The following HCN1 variants were observed in gnomAD, a reference collection of about 807,000 sequenced individuals.
The protein encoded by HCN1 is hyperpolarization activated cyclic nucleotide gated potassium channel 1, also known as potassium/sodium hyperpolarization-activated cyclic nucleotide-gated channel 1.
Under a neutral mutation model 78.9 loss-of-function variants are expected in HCN1, and 13 were observed. The ratio of observed to expected loss-of-function variants is 0.16; its 90% CI spans 0.11 to 0.26. The LOEUF is 0.26. Among genes scored for constraint, HCN1 ranks in the 10% least tolerant of loss-of-function variants. The pLI, the probability that HCN1 is intolerant of heterozygous loss-of-function variation, is 1.00. For synonymous variants in HCN1, 552 were observed against 455.5 expected, an observed-to-expected ratio of 1.21 and a Z score of -2.70; for missense variants, 810 against 1,154.3, an observed-to-expected ratio of 0.70 and a Z score of 4.32.
intron 6 of HCN1, among the ~76,000 whole-genome samples, chr5:45,288,038 A>G (rs966728018): frequency 7.2e-5 from 11 of 152,046 alleles, no homozygotes; most frequent in East Asian, 1.9e-4. Context: ...GTTTGGAGAT[A>G]TTCTTGGGGA....
chr5:45,341,721 C>T (rs1432579124), intron 5 of HCN1, among the ~76,000 whole-genome samples: 1 of 152,120 alleles, frequency 6.6e-6, no homozygotes, highest in Non-Finnish European at 1.5e-5. Context: ...TTCACCACTG[C>T]ACTCCAGCCT....
At chr5:45,684,767 A>G (rs1739771048) in intron 1 of HCN1, among the ~76,000 whole-genome samples, 1 of 152,170 alleles carries the variant, frequency 6.6e-6, no homozygotes, top group African/African-American at 2.4e-5. Flanking sequence ...GAAGCTGAGG[A>G]AAGAGAATTG....
chr5:45,486,116 T>C (rs1273481565), intron 2 of HCN1, among the ~76,000 whole-genome samples: 4 of 152,158 alleles, frequency 2.6e-5, no homozygotes, highest in African/African-American at 7.2e-5. Context: ...TTGGAGATCA[T>C]GTTCTAGGCT....
chr5:45,315,431 T>G (rs1188291465), intron 5 of HCN1, among the ~76,000 whole-genome samples: 1 of 152,090 alleles, frequency 6.6e-6, no homozygotes, highest in African/African-American at 2.4e-5. Context: ...AGAGGGAAAT[T>G]TATAGCACTA....
chr5:45,505,205 G>T (rs1742273672), intron 2 of HCN1, among the ~76,000 whole-genome samples: 2 of 151,992 alleles, frequency 1.3e-5, no homozygotes, highest in African/African-American at 4.8e-5. Context: ...GTATTGCCTA[G>T]GTTTTCTTCT....
intron 1 of HCN1, among the ~76,000 whole-genome samples, chr5:45,676,409 T>A (rs1746267167): frequency 1.3e-5 from 2 of 151,762 alleles, no homozygotes; most frequent in African/African-American, 4.8e-5. Context: ...AAGTAAAGTA[T>A]ATCCATAATT....
intron 1 of HCN1, among the ~76,000 whole-genome samples, chr5:45,667,978 C>A (rs925864216): frequency 1.3e-5 from 2 of 151,838 alleles, no homozygotes; most frequent in African/African-American, 4.8e-5. Flanking sequence ...GTGACTTGGC[C>A]AAGATCACTT....
rs1746997211 is a variant in HCN1 at position 45,355,829 on chromosome 5, G to C, written c.1231-2583C>G. On this transcript the variant is annotated intron_variant, in intron 4 of 7. Transcript: ENST00000303230. ...AACATGATTAGAAAATCCAAAGAAG[G>C]ATTAAATTTCACAGGGGGTGTGGTC... 2.0e-5 allele frequency among the ~76,000 whole-genome samples: 3 copies of C among 151,936 alleles called. No homozygotes were observed. In the South Asian group the frequency reaches 6.2e-4, roughly 31 times the overall value.
intron 2 of HCN1, among the ~76,000 whole-genome samples, chr5:45,530,920 A>G (rs2111802330): frequency 6.6e-6 from 1 of 152,296 alleles, no homozygotes; most frequent in South Asian, 2.1e-4. Context: ...ATAGCTGGGA[A>G]AAGAAGCAAG....
At chr5:45,331,013 T>C (rs1235522175) in intron 5 of HCN1, among the ~76,000 whole-genome samples, 1 of 151,208 alleles carries the variant, frequency 6.6e-6, no homozygotes, top group African/African-American at 2.4e-5. Flanking sequence ...ATAATTTAGA[T>C]GATAGAATTT....
At chr5:45,611,541 G>T (rs1744837495) in intron 2 of HCN1, among the ~76,000 whole-genome samples, 1 of 151,520 alleles carries the variant, frequency 6.6e-6, no homozygotes, top group African/African-American at 2.4e-5. Context: ...CAAAGTTCTG[G>T]GATTACATGC....
rs1417859701 is a variant in HCN1, at chr5:45,600,895, T to A, written c.849+44290A>T. On this transcript the variant is annotated intron_variant, in intron 2 of 7. Coordinates refer to ENST00000303230, the MANE Select transcript of HCN1 (RefSeq NM_021072.4). The stretch of plus-strand genomic sequence containing the variant: ...TTTTGCAGAAAGGCTAAACTTTAAA[T>A]AGCAAAAACTGTTGTCTGTGAAGAA... Among the ~76,000 whole-genome samples, 5 of 152,162 alleles carry A rather than the reference T, an allele frequency of 3.3e-5. No individual in the cohort carries two copies. In the South Asian group the frequency reaches 6.2e-4, roughly 19 times the overall value.
intron 1 of HCN1, among the ~76,000 whole-genome samples, chr5:45,666,697 A>G (rs1425577113): frequency 6.6e-6 from 1 of 152,040 alleles, no homozygotes; most frequent in African/African-American, 2.4e-5. Flanking sequence ...TCTACTTCCC[A>G]TTATATTATA....
At position 45,261,739 on chromosome 5, in the gene HCN1, T is replaced by G; in HGVS notation, c.*182A>C. The G allele has an allele frequency of 1.7e-6, 1 of 595,306 alleles. No individual in the cohort carries two copies. The highest frequency in any genetic ancestry group is 3.2e-5 in the East Asian group (1 of 31,046). The allele number at this position is 595,306 out of a possible 1,614,324, so 36.9% of individuals were successfully genotyped here. ...AGGTCTTTTGACCCTCTCTTGGGAA[T>G]TTAGATATATATTTTATAGTATATG... On this transcript the variant is annotated 3_prime_UTR_variant, in exon 8 of 8. Transcript: ENST00000303230.
chr5:45,678,746 T>G (rs1270105544), intron 1 of HCN1, among the ~76,000 whole-genome samples: 1 of 152,024 alleles, frequency 6.6e-6, no homozygotes, highest in Admixed American at 6.6e-5. Context: ...AGTATTAAAC[T>G]TAAGTACAGT....
intron 3 of HCN1, among the ~76,000 whole-genome samples, chr5:45,429,720 G>C (rs986589016): frequency 3.9e-5 from 6 of 152,132 alleles, no homozygotes; most frequent in African/African-American, 1.4e-4. Context: ...AAGAGTGAGT[G>C]GCTGTGGTAG....
intron 2 of HCN1, among the ~76,000 whole-genome samples, chr5:45,579,690 T>G (rs1315370580): frequency 6.6e-6 from 1 of 152,122 alleles, no homozygotes; most frequent in African/African-American, 2.4e-5. Flanking sequence ...TACATTTTCA[T>G]AGTTTGGAGG....
chr5:45,350,439 G>A (rs1746867956), intron 5 of HCN1, among the ~76,000 whole-genome samples: 1 of 152,110 alleles, frequency 6.6e-6, no homozygotes, highest in Non-Finnish European at 1.5e-5. Flanking sequence ...GCAAAAACTG[G>A]AAGCATTCCC....
intron 2 of HCN1, among the ~76,000 whole-genome samples, chr5:45,476,085 G>A (rs1221835059): frequency 1.3e-5 from 2 of 152,086 alleles, no homozygotes; most frequent in East Asian, 1.9e-4. Context: ...ATTAGAGAGA[G>A]GTAAAAGCAT....
Sources: gnomAD v4.1 joint callset for allele counts (sites outside exome capture counted in the v4.1 genomes callset) on GRCh38, gnomAD v4.1.1 for gene constraint, MANE v1.5 for transcripts, NCBI Gene and HGNC (gene_info 2026-07-23, HGNC 2026-07-21) for gene names.